The following EMSY variants were observed in gnomAD, a reference collection of about 807,000 sequenced individuals.
EMSY encodes the protein EMSY transcriptional repressor, BRCA2 interacting, also known as BRCA2-interacting transcriptional repressor EMSY.
A neutral mutation model predicts 134.6 loss-of-function variants in EMSY; 26 were observed. The observed-to-expected ratio is 0.19, with a 90% CI of 0.14 to 0.27. EMSY has a LOEUF of 0.27. EMSY is among the 10% of genes least tolerant of loss of function. EMSY has a pLI of 1.00. For missense variants in EMSY, 1,305 were observed against 1,611.4 expected (o/e 0.81, Z 3.26); for synonymous variants, 579 against 577.8 (o/e 1.00, Z -0.03).
chr11:76,496,113 T>G (rs1362352908), intron 8 of EMSY, 102 bp from the exon 10 acceptor site: 2 of 1,302,018 alleles, frequency 1.5e-6, no homozygotes, highest in African/African-American at 1.5e-5. Context: ...TACTTTTTGT[T>G]GATTTCCCTA....
chr11:76,502,435 C>T (rs1352649289), intron 9 of EMSY, among the ~76,000 whole-genome samples: 4 of 123,006 alleles, frequency 3.3e-5, no homozygotes, highest in African/African-American at 9.4e-5. Context: ...TTGCAGATGA[C>T]ATGATCCTTT....
chr11:76,526,489 A>C, exon 13 of EMSY: 1 of 1,613,088 alleles, frequency 6.2e-7, no homozygotes, highest in Non-Finnish European at 8.5e-7. Context: ...GACAGTGCCA[A>C]CAGGAGCAAA....
At chr11:76,490,830 G>A (rs1240310410) in intron 8 of EMSY, among the ~76,000 whole-genome samples, 3 of 152,000 alleles carry the variant, frequency 2.0e-5, no homozygotes, top group Admixed American at 2.0e-4. Flanking sequence ...TAAGATCTGG[G>A]TTCTGGATAT....
chr11:76,470,945 A>G (rs1303291171), intron 7 of EMSY, among the ~76,000 whole-genome samples: 2 of 152,114 alleles, frequency 1.3e-5, no homozygotes, highest in African/African-American at 2.4e-5. Flanking sequence ...TAAATCATCT[A>G]CAGTTTTCTA....
At chr11:76,542,478 T>C (rs944966075) in intron 18 of EMSY, 111 bp downstream of exon 19, 2 of 1,354,296 alleles carry the variant, frequency 1.5e-6, no homozygotes, top group African/African-American at 1.4e-5. Context: ...AGAGTGTTTG[T>C]GTAATTCTTT....
At chr11:76,541,027 C>G (rs1453614054) in intron 17 of EMSY, among the ~76,000 whole-genome samples, 3 of 152,126 alleles carry the variant, frequency 2.0e-5, no homozygotes, top group African/African-American at 4.8e-5. Context: ...GATTTCAAGA[C>G]CAGCTTGGCC....
chr11:76,448,032 G>A (rs1947493118), intron 2 of EMSY, among the ~76,000 whole-genome samples: 1 of 152,112 alleles, frequency 6.6e-6, no homozygotes, highest in Non-Finnish European at 1.5e-5. Context: ...CCAAGGACAA[G>A]TTATTTATTC....
At chr11:76,506,378 A>C (rs1270311013) in intron 9 of EMSY, among the ~76,000 whole-genome samples, 18 of 152,210 alleles carry the variant, frequency 1.2e-4, no homozygotes, top group Admixed American at 1.1e-3. Flanking sequence ...ATTAAAGACC[A>C]CACTGATAAA....
exon 9 of EMSY, chr11:76,496,260 C>T (rs2135804258): frequency 6.2e-7 from 1 of 1,614,058 alleles, no homozygotes; most frequent in Non-Finnish European, 8.5e-7. Flanking sequence ...AGACTTCCTT[C>T]CCCCAAAAGC....
chr11:76,448,902 T>C (rs748269577), intron 2 of EMSY, among the ~76,000 whole-genome samples: 8 of 152,130 alleles, frequency 5.3e-5, no homozygotes, highest in Non-Finnish European at 1.2e-4. Flanking sequence ...ATAAAGAAAT[T>C]GGGATAGAGA....
chr11:76,445,383 C>G (rs888274011), intron 1 of EMSY, among the ~76,000 whole-genome samples: 1 of 152,170 alleles, frequency 6.6e-6, no homozygotes, highest in South Asian at 2.1e-4. Flanking sequence ...GGCTTACTCT[C>G]TCTCGGTTGT....
intron 9 of EMSY, among the ~76,000 whole-genome samples, chr11:76,508,981 G>A (rs1201301649): frequency 6.6e-6 from 1 of 152,124 alleles, no homozygotes; most frequent in African/African-American, 2.4e-5. Flanking sequence ...TCGTGAAGCA[G>A]TCAGAGCACA....
At chr11:76,511,431 G>C (rs1316611493) in intron 9 of EMSY, among the ~76,000 whole-genome samples, 1 of 152,084 alleles carries the variant, frequency 6.6e-6, no homozygotes, top group Admixed American at 6.6e-5. Context: ...GGTCGGGTCT[G>C]GTGGCTCACA....
intron 12 of EMSY, 134 bp from the exon 14 acceptor site, chr11:76,526,328 A>C: frequency 1.8e-6 from 1 of 563,320 alleles, no homozygotes; most frequent in Admixed American, 4.2e-5. Flanking sequence ...GATTTCCTGG[A>C]AACATTATAC....
At chr11:76,537,848 A>C (rs768079073) in exon 16 of EMSY, 1 of 1,613,444 alleles carries the variant, frequency 6.2e-7, no homozygotes, top group Non-Finnish European at 8.5e-7. Context: ...CCTGAGTCAA[A>C]TGGCAGTGCC....
intron 6 of EMSY, among the ~76,000 whole-genome samples, chr11:76,461,849 T>C (rs894751021): frequency 1.3e-5 from 2 of 151,952 alleles, no homozygotes; most frequent in African/African-American, 4.8e-5. Flanking sequence ...GGAGAATCAC[T>C]TGAACCTGGG....
intron 20 of EMSY, 109 bp downstream of exon 21, chr11:76,546,406 A>G (rs974217330): frequency 1.1e-5 from 16 of 1,392,544 alleles, no homozygotes; most frequent in Admixed American, 2.3e-5. Context: ...CAGCAGGAAG[A>G]CATAGATATT....
intron 8 of EMSY, among the ~76,000 whole-genome samples, chr11:76,477,708 T>C (rs765805617): frequency 1.3e-5 from 2 of 152,202 alleles, no homozygotes; most frequent in South Asian, 2.1e-4. Context: ...TCTTCATAGT[T>C]GATTCATCTT....
intron 7 of EMSY, 88 bp downstream of exon 8, chr11:76,464,168 A>C: frequency 1.4e-6 from 2 of 1,451,950 alleles, no homozygotes; most frequent in Non-Finnish European, 9.5e-7. Context: ...AGTGCTTACT[A>C]TGTGCTTGGC....
Sources: allele counts gnomAD v4.1 joint callset (sites outside exome capture counted in the v4.1 genomes callset), GRCh38; gene constraint gnomAD v4.1.1; transcripts MANE v1.5; gene names NCBI Gene and HGNC (gene_info 2026-07-23, HGNC 2026-07-21).